SNX29: variants seen among roughly 807,000 people sequenced by gnomAD.
SNX29 encodes the protein sorting nexin 29.
SNX29 carries 78 observed loss-of-function variants against 102.1 expected under a neutral mutation model. The ratio of observed to expected loss-of-function variants is 0.76; its 90% CI spans 0.64 to 0.92. The LOEUF (loss-of-function observed/expected upper bound fraction) is 0.92, where lower values mean the gene tolerates loss of function less well. Ranked by LOEUF, SNX29 falls within the 40% of genes least tolerant of loss-of-function variation. SNX29 has a pLI of 0.00. For synonymous variants in SNX29, 580 were observed against 414.5 expected (o/e 1.40, Z -4.85); for missense variants, 1,280 against 1,061.7 (o/e 1.21, Z -2.86).
intron 14 of SNX29, among the ~76,000 whole-genome samples, chr16:12,210,532 A>G (rs534056603): frequency 1.3e-5 from 2 of 151,950 alleles, no homozygotes; most frequent in South Asian, 4.2e-4. Context: ...GTCGATGCAG[A>G]GGAAGGTAGA....
chr16:12,120,810 G>C (rs2053942432), intron 11 of SNX29, among the ~76,000 whole-genome samples: 1 of 152,164 alleles, frequency 6.6e-6, no homozygotes, highest in Non-Finnish European at 1.5e-5. Context: ...TCATGGTAAT[G>C]ATGTATGGGA....
intron 11 of SNX29, among the ~76,000 whole-genome samples, chr16:12,105,308 T>C (rs553979862): frequency 2.1e-5 from 3 of 140,978 alleles, no homozygotes; most frequent in African/African-American, 7.9e-5. Flanking sequence ...CACTGCAACC[T>C]CTGCCTCCTG....
intron 20 of SNX29, chr16:12,560,646 C>CTTAA (rs1555460139): frequency 6.5e-6 from 1 of 154,710 alleles, no homozygotes; most frequent in African/African-American, 2.4e-5. Context: ...TGTGCCACCA[C>CTTAA]CTAACTAGCA....
chr16:12,315,372 C>G (rs184982169), intron 15 of SNX29, among the ~76,000 whole-genome samples: 2 of 152,176 alleles, frequency 1.3e-5, no homozygotes, highest in African/African-American at 2.4e-5. Context: ...GCTTCCAGCC[C>G]TCAACTTGGC....
At chr16:12,512,970 T>C (rs1390897206) in intron 19 of SNX29, among the ~76,000 whole-genome samples, 5 of 152,090 alleles carry the variant, frequency 3.3e-5, no homozygotes, top group African/African-American at 1.2e-4. Flanking sequence ...AAAGAGTCGA[T>C]GGGGCCTTGC....
chr16:12,411,232 C>T (rs144421576), intron 18 of SNX29, among the ~76,000 whole-genome samples: 23 of 152,300 alleles, frequency 1.5e-4, no homozygotes, highest in Non-Finnish European at 2.9e-4. Flanking sequence ...ACAGGAGAGC[C>T]GGCCGTGGAC....
intron 13 of SNX29, chr16:12,135,592 G>T: frequency 3.0e-6 from 4 of 1,341,724 alleles, no homozygotes; most frequent in Non-Finnish European, 3.9e-6. Flanking sequence ...CCCCACGTGA[G>T]AACCATGTGG....
intron 14 of SNX29, among the ~76,000 whole-genome samples, chr16:12,222,115 A>G (rs1328297607): frequency 1.3e-5 from 2 of 152,236 alleles, no homozygotes; most frequent in African/African-American, 2.4e-5. Flanking sequence ...ATAAGCCTAC[A>G]TAGGTAGGTG....
chr16:12,271,006 G>A (rs1487429927), intron 14 of SNX29, among the ~76,000 whole-genome samples: 1 of 152,156 alleles, frequency 6.6e-6, no homozygotes, highest in Middle Eastern at 3.2e-3. Context: ...TCGCGCCACT[G>A]CACTCCAGCC....
At chr16:12,479,602 C>T (rs1223746487) in intron 19 of SNX29, among the ~76,000 whole-genome samples, 1 of 152,150 alleles carries the variant, frequency 6.6e-6, no homozygotes, top group Non-Finnish European at 1.5e-5. Flanking sequence ...TTGTTCATAG[C>T]AAAGAGTACA....
chr16:12,381,230 C>T, intron 16 of SNX29, among the ~76,000 whole-genome samples: 2 of 52,738 alleles, frequency 3.8e-5, no homozygotes, highest in Non-Finnish European at 7.7e-5. Flanking sequence ...ACCCACCCCT[C>T]ATCCATCTAC....
chr16:12,537,289 A>G (rs1015051427), intron 20 of SNX29, among the ~76,000 whole-genome samples: 1 of 152,220 alleles, frequency 6.6e-6, no homozygotes, highest in Non-Finnish European at 1.5e-5. Flanking sequence ...TTAGTGTGGT[A>G]CATGTTTGGA....
intron 14 of SNX29, among the ~76,000 whole-genome samples, chr16:12,247,149 C>T (rs1033922485): frequency 2.6e-5 from 4 of 152,034 alleles, no homozygotes; most frequent in African/African-American, 4.8e-5. Flanking sequence ...CCCTATACGA[C>T]GGGGAGAGAA....
At chr16:12,359,013 A>C (rs1041421927) in intron 16 of SNX29, among the ~76,000 whole-genome samples, 1 of 152,240 alleles carries the variant, frequency 6.6e-6, no homozygotes, top group African/African-American at 2.4e-5. Flanking sequence ...TAGCAAATTA[A>C]TGGAACCCAA....
At chr16:11,994,763 G>T (rs2055993910) in intron 1 of SNX29, among the ~76,000 whole-genome samples, 1 of 152,154 alleles carries the variant, frequency 6.6e-6, no homozygotes, top group East Asian at 1.9e-4. Context: ...CCTGGCGGAG[G>T]TGCTGTACTC....
intron 14 of SNX29, among the ~76,000 whole-genome samples, chr16:12,261,509 G>GCT (rs2078761997): frequency 2.1e-5 from 3 of 140,478 alleles, no homozygotes; most frequent in Admixed American, 1.4e-4. Flanking sequence ...GTGAGTGTTT[G>GCT]CTGAGCTCGG....
At chr16:12,216,272 C>T (rs1178372679) in intron 14 of SNX29, among the ~76,000 whole-genome samples, 2 of 152,142 alleles carry the variant, frequency 1.3e-5, no homozygotes, top group Admixed American at 6.5e-5. Context: ...GGCACTTTGC[C>T]ACAAACAGTC....
At chr16:12,003,836 G>A (rs1051509432) in intron 3 of SNX29, among the ~76,000 whole-genome samples, 70 of 152,162 alleles carry the variant, frequency 4.6e-4, no homozygotes, top group African/African-American at 1.5e-3. Flanking sequence ...GTGAAACCCC[G>A]TCTCTACTGA....
chr16:12,132,315 G>A (rs968518048), intron 13 of SNX29, among the ~76,000 whole-genome samples: 7 of 152,160 alleles, frequency 4.6e-5, no homozygotes, highest in African/African-American at 1.7e-4. Flanking sequence ...GGCCAGGCTG[G>A]TCTTGAGCTC....
Sources: gnomAD v4.1 joint callset for allele counts (sites outside exome capture counted in the v4.1 genomes callset) on GRCh38, gnomAD v4.1.1 for gene constraint, MANE v1.5 for transcripts, NCBI Gene and HGNC (gene_info 2026-07-23, HGNC 2026-07-21) for gene names.